ATP6V1E2: variants seen among roughly 807,000 people sequenced by gnomAD.
ATP6V1E2 encodes the protein ATPase H+ transporting V1 subunit E2.
For synonymous variants in ATP6V1E2, 121 were observed against 104.2 expected (o/e 1.16, Z -0.98); for missense variants, 308 against 273.3 (o/e 1.13, Z -0.90).
intron 4 of ATP6V1E2, among the ~76,000 whole-genome samples, chr2:46,521,602 G>GA (rs1666629278): frequency 6.6e-6 from 1 of 152,160 alleles, no homozygotes; most frequent in Non-Finnish European, 1.5e-5. Flanking sequence ...AAGTGGGTGA[G>GA]AAAATGTAGA....
At chr2:46,523,214 T>A (rs547469936) in intron 4 of ATP6V1E2, among the ~76,000 whole-genome samples, 1 of 152,258 alleles carries the variant, frequency 6.6e-6, no homozygotes, top group Non-Finnish European at 1.5e-5. Context: ...TAGTTTCTTT[T>A]GCTGTGCAGA....
intron 4 of ATP6V1E2, among the ~76,000 whole-genome samples, chr2:46,516,998 A>G (rs147884738): frequency 3.3e-5 from 5 of 152,370 alleles, no homozygotes; most frequent in African/African-American, 1.2e-4. Flanking sequence ...AAATTCATAT[A>G]GAATCACAAA....
chr2:46,534,767 G>A (rs1667359724), intron 4 of ATP6V1E2: 1 of 42,822 alleles, frequency 2.3e-5, no homozygotes, highest in African/African-American at 9.5e-5. Context: ...TTCTCCTAAT[G>A]CCTTACCCTT....
intron 2 of ATP6V1E2, among the ~76,000 whole-genome samples, chr2:46,538,297 A>G (rs886909704): frequency 2.0e-5 from 3 of 152,184 alleles, no homozygotes; most frequent in African/African-American, 7.2e-5. Flanking sequence ...AAAACTTTTG[A>G]TACCTTGTCA....
intron 4 of ATP6V1E2, among the ~76,000 whole-genome samples, chr2:46,523,143 T>G (rs915666359): frequency 2.6e-5 from 4 of 152,212 alleles, no homozygotes; most frequent in African/African-American, 9.6e-5. Flanking sequence ...TAGACCTTTG[T>G]CAGGTGAGTA....
At chr2:46,541,873 G>C (rs539419241) in intron 1 of ATP6V1E2, 2 of 152,384 alleles carry the variant, frequency 1.3e-5, no homozygotes, top group Admixed American at 1.3e-4. Context: ...GTGTGTATCA[G>C]TTCTCCGGGA....
At position 46,512,622 on chromosome 2, in the gene ATP6V1E2, G is replaced by A. The variant is rs754606142; in HGVS notation, c.90C>T (p.Ile30=). ...EQEANEKAEE[I]DAKAEEEFNI... ...TAAACTCTTCCTCAGCCTTGGCATC[G>A]ATTTCCTCTGCTTTCTCATTGGCTT... Residue 30 remains isoleucine, a synonymous_variant, in exon 5 of 5, where the codon ATC becomes ATT. Coordinates refer to ENST00000522587, the MANE Select transcript of ATP6V1E2 (RefSeq NM_001318063.2). The A allele has an allele frequency of 1.9e-5, 30 of 1,614,062 alleles. No homozygotes were observed. The East Asian group carries it at 2.4e-4, about 13-fold the overall frequency.
rs1209263048 is a variant in ATP6V1E2 at position 46,512,314 on chromosome 2, A to G, written c.398T>C (p.Ile133Thr). The G allele has an allele frequency of 5.0e-6, 8 of 1,612,426 alleles. No homozygotes were observed. Among genetic ancestry groups the G allele is most frequent in the Non-Finnish European group, 2.5e-6 (3 of 1,178,904 alleles). Residue 133 changes from isoleucine (I) to threonine (T), a missense_variant, in exon 5 of 5, where the codon ATT becomes ACT. Transcript: ENST00000522587. ...GLLRLLEPVM[I>T]VRCRPQDLLL... ...GAGGTCTTGTGGCCGGCAGCGTACA[A>G]TCATCACAGGTTCCAGCAGTCGGAG...
rs1667821844 is a variant in ATP6V1E2, at chr2:46,542,250, G to A, written c.-407C>T. 6.8e-6 allele frequency: 1 copy of A among 146,262 alleles called. No homozygotes were observed. The highest frequency in any genetic ancestry group is 6.9e-5 in the Admixed American group (1 of 14,412). The allele number at this position is 146,262 out of a possible 1,614,324, so 9.1% of individuals were successfully genotyped here. A position where few individuals can be genotyped will look rare whatever the true frequency, so the allele number is the denominator to read the frequency against. ...TCTCTCCTCCTTGATTTCTAGTTCC[G>A]TTGTGCACTTAGAGGCCGAGAGGAT... On this transcript the variant is annotated 5_prime_UTR_variant, in exon 1 of 5. In the 5' UTR this introduces an upstream ATG that the reference lacks. Transcript: ENST00000522587.
At chr2:46,523,374 A>G (rs1022764769) in intron 4 of ATP6V1E2, among the ~76,000 whole-genome samples, 19 of 152,220 alleles carry the variant, frequency 1.2e-4, no homozygotes, top group African/African-American at 4.3e-4. Flanking sequence ...TTGGGGTTTT[A>G]CATTTAAGTC....
chr2:46,512,721 C>G lies in ATP6V1E2; in HGVS notation c.-10G>C. 1 of 1,602,162 alleles carries G rather than the reference C, an allele frequency of 6.2e-7. No homozygotes were observed. Among genetic ancestry groups the G allele is most frequent in the Non-Finnish European group, 8.5e-7 (1 of 1,174,894 alleles). On this transcript the variant is annotated 5_prime_UTR_variant, in exon 5 of 5. An upstream open reading frame in the 5' UTR loses its in-frame stop. Coordinates refer to ENST00000522587, the MANE Select transcript of ATP6V1E2 (RefSeq NM_001318063.2). ...CATCACTCAGGGCCATGGCTGCTCT[C>G]AGAGGGGACGGCAGAGAGGGAGCTC...
Position 46,542,287 on chromosome 2 carries a change from T to C in ATP6V1E2, c.-444A>G, listed in dbSNP as rs889860581. 6.6e-6 allele frequency: 1 copy of C among 151,764 alleles called. No individual in the cohort carries two copies. Among genetic ancestry groups the C allele is most frequent in the Non-Finnish European group, 1.5e-5 (1 of 67,942 alleles). The allele number at this position is 151,764 out of a possible 1,614,324, so 9.4% of individuals were successfully genotyped here. ...GAGGCCGAGAGGATGGCTCTGGCCT[T>C]CCGGGTGGAGGTGAAATATGCATGT... is the stretch of plus-strand genomic sequence containing the variant. On this transcript the variant is annotated 5_prime_UTR_variant, in exon 1 of 5. Coordinates refer to ENST00000522587, the MANE Select transcript of ATP6V1E2 (RefSeq NM_001318063.2).
At position 46,539,459 on chromosome 2, in the gene ATP6V1E2, C is replaced by T. The variant is rs182922487; in HGVS notation, c.-310+1931G>A. Among the ~76,000 whole-genome samples, 5 of 152,358 alleles carry T rather than the reference C, an allele frequency of 3.3e-5. No homozygotes were observed. The East Asian group carries it at 5.8e-4, about 18-fold the overall frequency. ...AAAAAAGTGCCCTTCTTGCAATGAACGCAGCCTTGAGCTGGGACCATGCCT... is the reference window on the plus strand; with the variant it reads ...AAAAAAGTGCCCTTCTTGCAATGAATGCAGCCTTGAGCTGGGACCATGCCT... On this transcript the variant is annotated intron_variant, in intron 2 of 4. Transcript: ENST00000522587.
At chr2:46,523,154 G>A (rs1324969941) in intron 4 of ATP6V1E2, among the ~76,000 whole-genome samples, 1 of 151,998 alleles carries the variant, frequency 6.6e-6, no homozygotes, top group Non-Finnish European at 1.5e-5. Flanking sequence ...CAGGTGAGTA[G>A]ATTGAAAAAA....
chr2:46,520,807 T>C (rs1332673367), intron 4 of ATP6V1E2, among the ~76,000 whole-genome samples: 1 of 152,194 alleles, frequency 6.6e-6, no homozygotes, highest in Non-Finnish European at 1.5e-5. Flanking sequence ...TAGGTGTTCA[T>C]TTAACGTGGA....
intron 2 of ATP6V1E2, among the ~76,000 whole-genome samples, chr2:46,540,867 T>A (rs1037146468): frequency 1.3e-5 from 2 of 152,158 alleles, no homozygotes; most frequent in African/African-American, 4.8e-5. Context: ...CTGTCACCAA[T>A]GAAGTCACCA....
chr2:46,524,424 T>C (rs1666790579), intron 4 of ATP6V1E2, among the ~76,000 whole-genome samples: 2 of 152,114 alleles, frequency 1.3e-5, no homozygotes, highest in Admixed American at 6.5e-5. Context: ...ACCTGGAAAA[T>C]GTAGAAAGTT....
At position 46,529,981 on chromosome 2, in the gene ATP6V1E2, G is replaced by A. The variant is rs116022724; in HGVS notation, c.-102+5832C>T. On this transcript the variant is annotated intron_variant, in intron 4 of 4. Transcript: ENST00000522587. ...GGAGCTCAGGGTAGGAAATGTTTTC[G>A]AACCAGAAAGAAATTATTTCAGTAT... 8.4e-3 allele frequency among the ~76,000 whole-genome samples: 1,272 copies of A among 152,128 alleles called. 20 individuals are homozygous for A. Among genetic ancestry groups the A allele is most frequent in the African/African-American group, 0.029 (1,222 of 41,468 alleles).
chr2:46,528,631 C>T (rs1212784739), intron 4 of ATP6V1E2, among the ~76,000 whole-genome samples: 4 of 152,164 alleles, frequency 2.6e-5, no homozygotes, highest in Admixed American at 1.3e-4. Context: ...CATGGGCAGC[C>T]GCTTGGTGTC....
Sources: allele counts gnomAD v4.1 joint callset (sites outside exome capture counted in the v4.1 genomes callset), GRCh38; gene constraint gnomAD v4.1.1; transcripts MANE v1.5; gene names NCBI Gene and HGNC (gene_info 2026-07-23, HGNC 2026-07-21).